Variants in PCDHGA9 observed in about 807,000 individuals in gnomAD.
PCDHGA9 encodes protocadherin gamma subfamily A, 9.
A neutral mutation model predicts 62.5 loss-of-function variants in PCDHGA9; 37 were observed. The ratio of observed to expected loss-of-function variants is 0.59; its 90% CI spans 0.46 to 0.78. The LOEUF (loss-of-function observed/expected upper bound fraction) is 0.78, where lower values mean the gene tolerates loss of function less well. Among genes scored for constraint, PCDHGA9 ranks in the 30% least tolerant of loss-of-function variants. The pLI, the probability that PCDHGA9 is intolerant of heterozygous loss-of-function variation, is 0.00. For missense variants in PCDHGA9, 1,138 were observed against 1,166.2 expected (o/e 0.98, Z 0.35); for synonymous variants, 459 against 484.6 (o/e 0.95, Z 0.69).
rs570765907 is a variant in PCDHGA9, at chr5:141,414,583, G to T, written c.2424+9207G>T. The T allele has an allele frequency of 5.6e-6, 9 of 1,613,854 alleles. No individual in the cohort carries two copies. In the South Asian group the frequency reaches 8.8e-5, roughly 16 times the overall value. On this transcript the variant is annotated intron_variant, in intron 1 of 3. Coordinates refer to ENST00000573521, the MANE Select transcript of PCDHGA9 (RefSeq NM_018921.3). Reference sequence around the variant, plus strand: ...CTTTACCTATATCCCAGAGAACAACGCCAGGGGTGCCTCCATCTTCTCAGT... The same window carrying T: ...CTTTACCTATATCCCAGAGAACAACTCCAGGGGTGCCTCCATCTTCTCAGT...
intron 1 of PCDHGA9, chr5:141,423,815 C>G (rs1002418139): frequency 7.9e-7 from 1 of 1,271,358 alleles, no homozygotes; most frequent in African/African-American, 1.6e-5. Context: ...GTGAGTTTTA[C>G]TTTGCCTTTC....
chr5:141,405,206 A>G lies in PCDHGA9; in HGVS notation c.2254A>G (p.Thr752Ala). ...AGATGGGGTTCGAGCTTTCCTACAGACCTATTCTCAGGAGTTCTCCCTCAC... is the reference window on the plus strand; with the variant it reads ...AGATGGGGTTCGAGCTTTCCTACAGGCCTATTCTCAGGAGTTCTCCCTCAC... Reference protein sequence around the residue: ...GVDGVRAFLQTYSQEFSLTAD... With the variant: ...GVDGVRAFLQAYSQEFSLTAD... Residue 752 changes from threonine to alanine, a missense_variant, in exon 1 of 4, where the codon ACC becomes GCC. Thr to Ala is a moderately conservative substitution (Grantham distance 58). Coordinates refer to ENST00000573521, the MANE Select transcript of PCDHGA9 (RefSeq NM_018921.3). The G allele has an allele frequency of 6.2e-7, 1 of 1,613,648 alleles. No individual in the cohort carries two copies. Among genetic ancestry groups the G allele is most frequent in the Non-Finnish European group, 8.5e-7 (1 of 1,179,928 alleles).
At chr5:141,462,540 TTTC>T (rs2099042260) in intron 1 of PCDHGA9, among the ~76,000 whole-genome samples, 1 of 152,204 alleles carries the variant, frequency 6.6e-6, no homozygotes, top group East Asian at 1.9e-4. Flanking sequence ...TCAGTGATCT[TTTC>T]TTCTTCAGTG....
chr5:141,414,854 A>C (rs1191943867), intron 1 of PCDHGA9: 3 of 1,614,230 alleles, frequency 1.9e-6, no homozygotes, highest in Non-Finnish European at 2.5e-6. Context: ...CTGGACCAGA[A>C]CGACAATGCG....
Position 141,422,964 on chromosome 5 carries a change from G to C in PCDHGA9, c.2424+17588G>C, listed in dbSNP as rs375881737. 1.0e-4 allele frequency: 161 copies of C among 1,614,190 alleles called. No individual in the cohort carries two copies. In the African/African-American group the frequency reaches 1.9e-3, roughly 20 times the overall value. ...ACGGCTCCACTGGCGTGGAGCTGGC[G>C]CCCCGCTCTGCGGAACCTGGCTACC... On this transcript the variant is annotated intron_variant, in intron 1 of 3. Coordinates refer to ENST00000573521, the MANE Select transcript of PCDHGA9 (RefSeq NM_018921.3).
intron 1 of PCDHGA9, chr5:141,418,101 G>A (rs965772298): frequency 3.7e-6 from 6 of 1,614,082 alleles, no homozygotes; most frequent in Non-Finnish European, 5.1e-6. Flanking sequence ...GACGCGCAGA[G>A]CGGGGACTTA....
rs201391904 is a variant in PCDHGA9, at chr5:141,494,843, G to A, written c.2461G>A (p.Ala821Thr). Residue 821 changes from alanine to threonine, a missense_variant, in exon 2 of 4, where the codon GCC becomes ACC. Transcript: ENST00000573521. ...PPNTDWRFSQ[A>T]QRPGTSGSQN... is the part of the protein sequence containing the mutation. ...CAACACGGACTGGCGTTTCTCTCAG[G>A]CCCAGAGACCCGGCACCAGCGGGTA... 1.9e-6 allele frequency: 3 copies of A among 1,614,088 alleles called. No homozygotes were observed. Among genetic ancestry groups the A allele is most frequent in the Admixed American group, 3.3e-5 (2 of 60,008 alleles).
At chr5:141,464,227 T>C (rs539811399) in intron 1 of PCDHGA9, among the ~76,000 whole-genome samples, 58 of 147,282 alleles carry the variant, frequency 3.9e-4, no homozygotes, top group Admixed American at 2.5e-3. Flanking sequence ...ATTGCGCCAC[T>C]GCACTCCAGC....
intron 1 of PCDHGA9, among the ~76,000 whole-genome samples, chr5:141,462,125 A>AT (rs1561991410): frequency 6.6e-6 from 1 of 151,688 alleles, no homozygotes; most frequent in African/African-American, 2.4e-5. Context: ...ACCCAGTCCA[A>AT]TTTTTTGTAT....
Position 141,477,114 on chromosome 5 carries a change from G to C in PCDHGA9, c.2425-17693G>C. ...AAAGACAAGGGCGCCAATCCCGAAG[G>C]AGCACATTGCAAAGTGTTGGTGGAG... is the stretch of plus-strand genomic sequence containing the variant. On this transcript the variant is annotated intron_variant, in intron 1 of 3. Coordinates refer to ENST00000573521, the MANE Select transcript of PCDHGA9 (RefSeq NM_018921.3). This position sits in a 1 kb window ranked among gnomAD's most constrained non-coding sequence, Gnocchi z 4.9. 4.3e-6 allele frequency: 7 copies of C among 1,614,234 alleles called. No homozygotes were observed. Among genetic ancestry groups the C allele is most frequent in the Non-Finnish European group, 5.9e-6 (7 of 1,180,046 alleles).
chr5:141,498,616 G>T (rs1202866176), intron 2 of PCDHGA9, among the ~76,000 whole-genome samples: 1 of 152,138 alleles, frequency 6.6e-6, no homozygotes, highest in East Asian at 1.9e-4. Flanking sequence ...AGTCAGCACT[G>T]GGTCACACTG....
intron 1 of PCDHGA9, chr5:141,419,971 C>T (rs1254783575): frequency 1.2e-6 from 2 of 1,613,942 alleles, no homozygotes; most frequent in African/African-American, 2.7e-5. Context: ...TGCTCTTTCT[C>T]CTCGCGGTGA....
rs967535805 is a variant in PCDHGA9 at position 141,490,206 on chromosome 5, C to T, written c.2425-4601C>T. 2.4e-5 allele frequency: 38 copies of T among 1,614,050 alleles called. No homozygotes were observed. In the Admixed American group the frequency reaches 5.0e-4, roughly 21 times the overall value. ...GTTTCTATGAAATTCATGCAAGAGCCCGTGACCAGGGACAGCCTGCCATGG... is the reference window on the plus strand; with the variant it reads ...GTTTCTATGAAATTCATGCAAGAGCTCGTGACCAGGGACAGCCTGCCATGG... On this transcript the variant is annotated intron_variant, in intron 1 of 3. Coordinates refer to ENST00000573521, the MANE Select transcript of PCDHGA9 (RefSeq NM_018921.3). This position sits in a 1 kb window ranked among gnomAD's most constrained non-coding sequence, Gnocchi z 5.4.
At chr5:141,469,306 A>G in intron 1 of PCDHGA9, among the ~76,000 whole-genome samples, 1 of 150,500 alleles carries the variant, frequency 6.6e-6, no homozygotes, top group South Asian at 2.1e-4. Flanking sequence ...ACTGGGCACG[A>G]TGGCTCACGC....
chr5:141,428,201 CT>C (rs1332694675), intron 1 of PCDHGA9: 1 of 1,349,696 alleles, frequency 7.4e-7, no homozygotes, highest in South Asian at 1.2e-5. Context: ...CTCTGCGCCG[CT>C]ACGCTTCACC....
In PCDHGA9 at chr5:141,512,443, CCTT is replaced by C. The variant is rs1263805618; in HGVS notation, c.*1272_*1274del. On this transcript the variant is annotated 3_prime_UTR_variant, in exon 4 of 4. Coordinates refer to ENST00000573521, the MANE Select transcript of PCDHGA9 (RefSeq NM_018921.3). ...GCCCCTGCCCTCCTGAAGCCTCAGT[CCTT>C]CACCTTGCCAGGTGCCGTTTCTCTT... The C allele has an allele frequency of 1.3e-5, 2 of 152,896 alleles. No homozygotes were observed. The highest frequency in any genetic ancestry group is 4.8e-5 in the African/African-American group (2 of 41,468). 9.5% of individuals were successfully genotyped at this position (152,896 alleles called of 1,614,324 possible).
rs1186240180 is a variant in PCDHGA9, at chr5:141,432,270, A to T, written c.2424+26894A>T. On this transcript the variant is annotated intron_variant, in intron 1 of 3. Transcript: ENST00000573521. The surrounding 1 kb of genome is among the most constrained non-coding windows in gnomAD (Gnocchi z 6.0). ...ATCCAAGGGGCAAGCCTATCGTCCT[A>T]CGTGTCCATCAACTCCGACACTGGG... 1 of 1,614,024 alleles carries T rather than the reference A, an allele frequency of 6.2e-7. No homozygotes were observed. The highest frequency in any genetic ancestry group is 8.5e-7 in the Non-Finnish European group (1 of 1,180,028).
At chr5:141,500,244 T>C (rs1426405294) in intron 2 of PCDHGA9, among the ~76,000 whole-genome samples, 1 of 151,640 alleles carries the variant, frequency 6.6e-6, no homozygotes, top group Non-Finnish European at 1.5e-5. Context: ...AGCCTTGCTC[T>C]GTCACCCAGG....
At chr5:141,509,128 A>C (rs995210331) in intron 3 of PCDHGA9, among the ~76,000 whole-genome samples, 8 of 151,958 alleles carry the variant, frequency 5.3e-5, no homozygotes, top group African/African-American at 1.7e-4. Flanking sequence ...TGAAGAGAAA[A>C]ACCGAGGCGC....
Sources: gnomAD v4.1 joint callset for allele counts (sites outside exome capture counted in the v4.1 genomes callset) on GRCh38, gnomAD v4.1.1 for gene constraint, Gnocchi (gnomAD v3.1) non-coding constraint, MANE v1.5 for transcripts, NCBI Gene and HGNC (gene_info 2026-07-23, HGNC 2026-07-21) for gene names.